Variants in HMGCLL1 observed in about 807,000 individuals in gnomAD.
HMGCLL1 encodes the protein 3-hydroxymethyl-3-methylglutaryl-CoA lyase, cytoplasmic.
HMGCLL1 carries 36 observed loss-of-function variants against 39.1 expected under a neutral mutation model. The observed-to-expected ratio is 0.92, with a 90% CI of 0.71 to 1.22. The LOEUF is 1.22. HMGCLL1 is among the 50% of genes most tolerant of loss of function. The pLI is 0.00. For synonymous variants in HMGCLL1, 149 were observed against 144.0 expected, an observed-to-expected ratio of 1.03 and a Z score of -0.25; for missense variants, 451 against 416.5, an observed-to-expected ratio of 1.08 and a Z score of -0.72.
chr6:55,444,196 C>T (rs1375631521), intron 7 of HMGCLL1, among the ~76,000 whole-genome samples: 2 of 151,986 alleles, frequency 1.3e-5, no homozygotes, highest in African/African-American at 4.8e-5. Context: ...TAGGAATATA[C>T]AGTTAATTGG....
intron 7 of HMGCLL1, among the ~76,000 whole-genome samples, chr6:55,445,109 A>T (rs1199610544): frequency 6.6e-6 from 1 of 152,070 alleles, no homozygotes; most frequent in Non-Finnish European, 1.5e-5. Context: ...ATATTAAGGC[A>T]TCAATTCCCT....
intron 1 of HMGCLL1, among the ~76,000 whole-genome samples, chr6:55,548,277 C>T (rs4521577): frequency 6.6e-6 from 1 of 151,706 alleles, no homozygotes; most frequent in Non-Finnish European, 1.5e-5. Context: ...TAAAAACAAG[C>T]TCTAGAAATG....
the HMGCLL1 span, among the ~76,000 whole-genome samples, chr6:55,641,549 GAT>G: frequency 6.6e-6 from 1 of 151,920 alleles, no homozygotes; most frequent in East Asian, 1.9e-4. Flanking sequence ...TAAGTACAAG[GAT>G]ATACTCTGTA....
the HMGCLL1 span, among the ~76,000 whole-genome samples, chr6:55,650,078 C>T: frequency 0.81 from 75,059 of 92,886 alleles, 30,225 homozygotes; most frequent in Non-Finnish European, 0.87. Flanking sequence ...TATATATATA[C>T]ACACACATAT....
At chr6:55,623,632 A>G in the HMGCLL1 span, among the ~76,000 whole-genome samples, 5 of 147,190 alleles carry the variant, frequency 3.4e-5, no homozygotes, top group African/African-American at 1.2e-4. Context: ...AGATATATAC[A>G]TATATACATA....
chr6:55,656,533 A>G, the HMGCLL1 span, among the ~76,000 whole-genome samples: 1 of 151,878 alleles, frequency 6.6e-6, no homozygotes, highest in African/African-American at 2.4e-5. Flanking sequence ...ACTCCTTGAT[A>G]TCTCTCTTTT....
the HMGCLL1 span, among the ~76,000 whole-genome samples, chr6:55,638,271 G>T: frequency 6.6e-6 from 1 of 151,926 alleles, no homozygotes; most frequent in Non-Finnish European, 1.5e-5. Flanking sequence ...GCTGGGTGTG[G>T]TGGCGGGCGC....
intron 5 of HMGCLL1, among the ~76,000 whole-genome samples, chr6:55,506,584 T>A (rs1767177112): frequency 1.3e-5 from 2 of 151,722 alleles, no homozygotes; most frequent in African/African-American, 4.8e-5. Context: ...TGAAATCTCA[T>A]ACCATGCTGT....
chr6:55,496,926 G>T (rs1481962418), intron 6 of HMGCLL1, among the ~76,000 whole-genome samples: 1 of 152,106 alleles, frequency 6.6e-6, no homozygotes, highest in Non-Finnish European at 1.5e-5. Context: ...GTGGAGTGTG[G>T]TGTCCCTAAC....
the HMGCLL1 span, among the ~76,000 whole-genome samples, chr6:55,656,026 C>A: frequency 7.2e-5 from 11 of 152,096 alleles, no homozygotes; most frequent in Non-Finnish European, 1.0e-4. Context: ...TATGCACATA[C>A]TGATAATTCC....
At chr6:55,586,690 C>A in the HMGCLL1 span, among the ~76,000 whole-genome samples, 1 of 151,902 alleles carries the variant, frequency 6.6e-6, no homozygotes, top group Admixed American at 6.6e-5. Flanking sequence ...ATGATGGTTT[C>A]CAGTTTCATC....
chr6:55,542,738 C>T (rs1283522579), intron 1 of HMGCLL1, among the ~76,000 whole-genome samples: 1 of 149,116 alleles, frequency 6.7e-6, no homozygotes, highest in African/African-American at 2.5e-5. Context: ...GAGATCGTGC[C>T]ATTGCACTCC....
At chr6:55,648,687 A>G in the HMGCLL1 span, among the ~76,000 whole-genome samples, 2 of 59,902 alleles carry the variant, frequency 3.3e-5, no homozygotes, top group Non-Finnish European at 6.6e-5. Context: ...ATCTCTGAAT[A>G]GACCAATAAC....
At chr6:55,460,765 G>A (rs1764525807) in intron 7 of HMGCLL1, among the ~76,000 whole-genome samples, 1 of 151,898 alleles carries the variant, frequency 6.6e-6, no homozygotes, top group Admixed American at 6.6e-5. Flanking sequence ...AAGGGGGACA[G>A]TATTATTCTG....
intron 1 of HMGCLL1, among the ~76,000 whole-genome samples, chr6:55,571,764 G>A (rs769126737): frequency 2.6e-4 from 40 of 152,046 alleles, no homozygotes; most frequent in South Asian, 6.2e-4. Flanking sequence ...AGTCGAGATC[G>A]CGCCACTGCA....
intron 3 of HMGCLL1, among the ~76,000 whole-genome samples, chr6:55,540,113 G>A (rs980500408): frequency 6.6e-6 from 1 of 150,870 alleles, no homozygotes; most frequent in African/African-American, 2.4e-5. Context: ...GATAATTCTG[G>A]AAGATTATTT....
chr6:55,476,493 T>A lies in HMGCLL1; in HGVS notation c.795+18926A>T, dbSNP rs1765292572. Among the ~76,000 whole-genome samples the A allele has an allele frequency of 2.6e-5, 4 of 151,748 alleles. No homozygotes were observed. In the Admixed American group the frequency reaches 2.6e-4, roughly 10 times the overall value. On this transcript the variant is annotated intron_variant, in intron 7 of 8. Coordinates refer to ENST00000274901, the MANE Select transcript of HMGCLL1 (RefSeq NM_001042406.2). ...TATGTTGGAAGTTTGAATACACAATTATGACATTTGAAATAATGATAATTG... is the reference window on the plus strand; with the variant it reads ...TATGTTGGAAGTTTGAATACACAATAATGACATTTGAAATAATGATAATTG...
At chr6:55,585,170 A>G in the HMGCLL1 span, among the ~76,000 whole-genome samples, 1 of 152,108 alleles carries the variant, frequency 6.6e-6, no homozygotes, top group East Asian at 1.9e-4. Context: ...GTTCTATTTT[A>G]CCAAAATAAC....
the HMGCLL1 span, among the ~76,000 whole-genome samples, chr6:55,626,147 T>G: frequency 6.6e-6 from 1 of 152,120 alleles, no homozygotes; most frequent in South Asian, 2.1e-4. Context: ...AGCTACCTGA[T>G]GGCGTGTTGA....
Sources: allele counts gnomAD v4.1 joint callset (sites outside exome capture counted in the v4.1 genomes callset), GRCh38; gene constraint gnomAD v4.1.1; transcripts MANE v1.5; gene names NCBI Gene and HGNC (gene_info 2026-07-23, HGNC 2026-07-21).